Variants in ICOS observed in about 807,000 individuals in gnomAD.
ICOS encodes inducible T-cell costimulator.
A neutral mutation model predicts 24.6 loss-of-function variants in ICOS; 15 were observed. The observed-to-expected ratio is 0.61, with a 90% CI of 0.41 to 0.94. The LOEUF is 0.94. ICOS is among the 40% of genes least tolerant of loss of function. The pLI, the probability that ICOS is intolerant of heterozygous loss-of-function variation, is 0.00. For synonymous variants in ICOS, 89 were observed against 77.5 expected, an observed-to-expected ratio of 1.15 and a Z score of -0.78; for missense variants, 200 against 233.0, an observed-to-expected ratio of 0.86 and a Z score of 0.92.
At chr2:203,943,931 G>A (rs547317083) in intron 1 of ICOS, among the ~76,000 whole-genome samples, 2 of 152,188 alleles carry the variant, frequency 1.3e-5, no homozygotes, top group East Asian at 1.9e-4. Context: ...GGGGAAAACC[G>A]GCAGTCACAG....
intron 2 of ICOS, 147 bp from the exon 3 acceptor site, chr2:203,956,512 A>T: frequency 1.5e-6 from 1 of 679,780 alleles, no homozygotes; most frequent in Non-Finnish European, 2.7e-6. Context: ...TACTGAGATG[A>T]TGTTAGTCTA....
intron 1 of ICOS, among the ~76,000 whole-genome samples, chr2:203,938,954 T>C (rs183875155): frequency 6.6e-6 from 1 of 152,296 alleles, no homozygotes; most frequent in Admixed American, 6.5e-5. Context: ...ACAATGCATG[T>C]ATCCAGAAAC....
chr2:203,948,392 TTTAAC>T (rs1689909545), intron 1 of ICOS, among the ~76,000 whole-genome samples: 1 of 152,162 alleles, frequency 6.6e-6, no homozygotes, highest in South Asian at 2.1e-4. Flanking sequence ...AAATGAAAGG[TTTAAC>T]TTGTCATTTC....
rs531300697 is a variant in ICOS, at chr2:203,947,542, C to T, written c.59-8094C>T. On this transcript the variant is annotated intron_variant, in intron 1 of 4. Transcript: ENST00000316386. ...CAGGATGGTCTCAATCTCTTGACCT[C>T]GTGATCCTCCTGCCTCGGCCTCCCA... Among the ~76,000 whole-genome samples, 110 of 152,188 alleles carry T rather than the reference C, an allele frequency of 7.2e-4. 1 individual carries two copies. Among genetic ancestry groups the T allele is most frequent in the Non-Finnish European group, 1.3e-3 (90 of 68,006 alleles).
In ICOS at chr2:203,945,437, T is replaced by G. The variant is rs191331387; in HGVS notation, c.58+8565T>G. Reference sequence around the variant, plus strand: ...AAAGACAGGGTTTGGATTTGGTGAATGAATACAGTCACGTGCCACTTGACG... The same window carrying G: ...AAAGACAGGGTTTGGATTTGGTGAAGGAATACAGTCACGTGCCACTTGACG... On this transcript the variant is annotated intron_variant, in intron 1 of 4. Transcript: ENST00000316386. Among the ~76,000 whole-genome samples, 7 of 152,240 alleles carry G rather than the reference T, an allele frequency of 4.6e-5. No homozygotes were observed. The East Asian group carries it at 1.4e-3, about 29-fold the overall frequency.
chr2:203,958,309 A>C (rs1176779421), intron 4 of ICOS, among the ~76,000 whole-genome samples: 1 of 152,222 alleles, frequency 6.6e-6, no homozygotes, highest in African/African-American at 2.4e-5. Context: ...TTTTGGACTG[A>C]GATTAGGAAG....
At chr2:203,948,749 C>A (rs1193286872) in intron 1 of ICOS, among the ~76,000 whole-genome samples, 16 of 152,046 alleles carry the variant, frequency 1.1e-4, no homozygotes, top group Admixed American at 1.0e-3. Flanking sequence ...GATTGGGTGG[C>A]CAGTGGTCAC....
intron 3 of ICOS, among the ~76,000 whole-genome samples, chr2:203,957,466 T>C (rs968104140): frequency 6.6e-6 from 1 of 152,162 alleles, no homozygotes; most frequent in African/African-American, 2.4e-5. Context: ...TACTCAAGTA[T>C]ATCCACAGTG....
chr2:203,956,869 C>T (rs1690086605), intron 3 of ICOS, 104 bp downstream of exon 3: 1 of 784,592 alleles, frequency 1.3e-6, no homozygotes, highest in Non-Finnish European at 2.2e-6. Context: ...ATTTGACCAA[C>T]AGGGAGACAA....
chr2:203,952,385 G>A (rs935049048), intron 1 of ICOS, among the ~76,000 whole-genome samples: 1 of 152,206 alleles, frequency 6.6e-6, no homozygotes, highest in African/African-American at 2.4e-5. Context: ...GGAGGTATAT[G>A]TTATAATTCC....
In ICOS at chr2:203,957,948, T is replaced by C. The variant is rs371917442; in HGVS notation, c.586+65T>C. On this transcript the variant is annotated intron_variant, in intron 4 of 4. Coordinates refer to ENST00000316386, the MANE Select transcript of ICOS (RefSeq NM_012092.4). ...CTTCACAGTAAGCCTGGAATGTTAATTTTTTTTTTTTTAATTTTAAAGGAA... is the reference window on the plus strand; with the variant it reads ...CTTCACAGTAAGCCTGGAATGTTAACTTTTTTTTTTTTAATTTTAAAGGAA... The C allele has an allele frequency of 1.2e-5, 5 of 407,086 alleles. No individual in the cohort carries two copies. The African/African-American group carries it at 1.7e-4, about 14-fold the overall frequency. 25.2% of individuals were successfully genotyped at this position (407,086 alleles called of 1,614,324 possible).
At chr2:203,957,598 C>T (rs1308442774) in intron 3 of ICOS, among the ~76,000 whole-genome samples, 3 of 152,120 alleles carry the variant, frequency 2.0e-5, no homozygotes, top group Admixed American at 6.5e-5. Context: ...AAGGCAAAAA[C>T]GAGGAAGAAA....
intron 4 of ICOS, among the ~76,000 whole-genome samples, chr2:203,959,053 C>T (rs562606682): frequency 6.6e-6 from 1 of 152,284 alleles, no homozygotes; most frequent in East Asian, 1.9e-4. Context: ...GGCCTGACTT[C>T]ATTGGACCTC....
intron 1 of ICOS, among the ~76,000 whole-genome samples, chr2:203,938,147 G>T (rs1219529665): frequency 6.6e-6 from 1 of 152,168 alleles, no homozygotes; most frequent in Non-Finnish European, 1.5e-5. Flanking sequence ...ATTGATTAAT[G>T]ATAATTACAG....
rs796743409 is a variant in ICOS at position 203,959,900 on chromosome 2, A to G, written c.*301A>G. 2 of 503,032 alleles carry G rather than the reference A, an allele frequency of 4.0e-6. No individual in the cohort carries two copies. Among genetic ancestry groups the G allele is most frequent in the South Asian group, 4.4e-5 (2 of 45,502 alleles). 31.2% of individuals were successfully genotyped at this position (503,032 alleles called of 1,614,324 possible). On this transcript the variant is annotated 3_prime_UTR_variant, in exon 5 of 5. Coordinates refer to ENST00000316386, the MANE Select transcript of ICOS (RefSeq NM_012092.4). ...TCTCCACATCTGCTCCTAGCAGTGC[A>G]TCAGCCAGTAAAACAAACACATTTA...
intron 1 of ICOS, among the ~76,000 whole-genome samples, chr2:203,954,677 T>C (rs1388858018): frequency 6.6e-6 from 1 of 150,674 alleles, no homozygotes; most frequent in African/African-American, 2.4e-5. Flanking sequence ...GATTCAGTTC[T>C]CAGTGGATGA....
intron 1 of ICOS, among the ~76,000 whole-genome samples, chr2:203,947,608 T>C (rs1177046444): frequency 6.6e-6 from 1 of 152,142 alleles, no homozygotes; most frequent in Non-Finnish European, 1.5e-5. Context: ...GCCCGGCCTA[T>C]AAAAATTATT....
intron 1 of ICOS, among the ~76,000 whole-genome samples, chr2:203,953,058 G>A (rs1243273155): frequency 6.6e-6 from 1 of 152,104 alleles, no homozygotes; most frequent in South Asian, 2.1e-4. Flanking sequence ...CAAGGATTGA[G>A]GTTTTCTAAC....
intron 1 of ICOS, among the ~76,000 whole-genome samples, chr2:203,940,209 T>C (rs559123151): frequency 1.2e-4 from 19 of 152,316 alleles, no homozygotes; most frequent in African/African-American, 4.1e-4. Flanking sequence ...CTTAAGAATG[T>C]TCTTCCTTTC....
Sources: allele counts gnomAD v4.1 joint callset (sites outside exome capture counted in the v4.1 genomes callset), GRCh38; gene constraint gnomAD v4.1.1; transcripts MANE v1.5; gene names NCBI Gene and HGNC (gene_info 2026-07-23, HGNC 2026-07-21).